The following DST variants were observed in gnomAD, a reference collection of about 807,000 sequenced individuals.
DST encodes dystonin.
DST carries 253 observed loss-of-function variants against 875.2 expected under a neutral mutation model. That is an observed-to-expected ratio of 0.29 (90% CI 0.26 to 0.32). The LOEUF is 0.32. Among genes scored for constraint, DST ranks in the 10% least tolerant of loss-of-function variants. DST has a pLI of 1.00. For missense variants in DST, 8,287 were observed against 9,111.6 expected, an observed-to-expected ratio of 0.91 and a Z score of 3.68; for synonymous variants, 3,124 against 3,197.1, an observed-to-expected ratio of 0.98 and a Z score of 0.77.
At chr6:56,680,502 T>C (rs1436834748) in intron 9 of DST, among the ~76,000 whole-genome samples, 1 of 152,210 alleles carries the variant, frequency 6.6e-6, no homozygotes, top group Non-Finnish European at 1.5e-5. Context: ...AGAAACACCA[T>C]GGAGAAGAGC....
intron 61 of DST, among the ~76,000 whole-genome samples, chr6:56,539,695 T>A (rs1403648111): frequency 1.3e-5 from 2 of 152,192 alleles, no homozygotes. Context: ...ATTACAAGGC[T>A]GCACCCTTTA....
At chr6:56,525,235 G>A (rs771635330) in intron 69 of DST, among the ~76,000 whole-genome samples, 8 of 152,042 alleles carry the variant, frequency 5.3e-5, no homozygotes, top group Non-Finnish European at 1.2e-4. Context: ...ACATTTCAGT[G>A]AAAAAAATAT....
rs560211101 is a variant in DST, at chr6:56,751,661, T to G, written c.626-16372A>C. On this transcript the variant is annotated intron_variant, in intron 4 of 103. Coordinates refer to ENST00000680361, the MANE Select transcript of DST (RefSeq NM_001374736.1). ...TAAGCCACTGGGTTCCCTCAGAGAA[T>G]AGAGAACCACCATGTGGCCCATTAC... Among the ~76,000 whole-genome samples, 37 of 152,302 alleles carry G rather than the reference T, an allele frequency of 2.4e-4. 1 individual carries two copies. The highest frequency in any genetic ancestry group is 5.2e-4 in the Admixed American group (8 of 15,292).
At chr6:56,823,381 T>C (rs1211197663) in intron 4 of DST, among the ~76,000 whole-genome samples, 1 of 152,198 alleles carries the variant, frequency 6.6e-6, no homozygotes, top group East Asian at 1.9e-4. Context: ...GTAAAGAAAT[T>C]ATGTAGCATG....
intron 2 of DST, among the ~76,000 whole-genome samples, chr6:56,941,771 G>A (rs190732251): frequency 1.9e-4 from 29 of 152,266 alleles, no homozygotes; most frequent in Non-Finnish European, 3.1e-4. Flanking sequence ...ATGAGCCACC[G>A]TGCCTGGCCA....
rs1586262665 is a variant in DST at position 56,601,675 on chromosome 6, T to TA, written c.11308_11309insT (p.Asn3770IlefsTer19). ...GGTATGTCCAAGGTCTTTTAATACATTCTGTTAAAAAAGTAGTACAAGCTA... is the reference window on the plus strand; with the variant it reads ...GGTATGTCCAAGGTCTTTTAATACATATCTGTTAAAAAAGTAGTACAAGCTA... On this transcript the variant is annotated frameshift_variant and splice_region_variant, in exon 44 of 104. Transcript: ENST00000680361. LOFTEE classifies it high-confidence loss of function. The TA allele has an allele frequency of 7.7e-6, 12 of 1,550,086 alleles. No individual in the cohort carries two copies. In the East Asian group the frequency reaches 2.8e-4, roughly 36 times the overall value.
intron 10 of DST, among the ~76,000 whole-genome samples, chr6:56,661,247 G>A (rs2099039262): frequency 6.6e-6 from 1 of 152,028 alleles, no homozygotes; most frequent in South Asian, 2.1e-4. Context: ...GAATAATCAA[G>A]TCAAAATACA....
chr6:56,515,591 C>T lies in DST; in HGVS notation c.18435G>A (p.Arg6145=). The change falls in exon 72 of 104, where the codon CGG becomes CGA. Residue 6145 remains arginine (R), a synonymous_variant. Coordinates refer to ENST00000680361, the MANE Select transcript of DST (RefSeq NM_001374736.1). The stretch of plus-strand genomic sequence containing the variant: ...AGAATTGGTTAACCAGGGACTGTGC[C>T]CGTTCCAGCTGCAGATACCTTTCTG... The part of the protein sequence containing the change: ...INSERYLQLE[R]AQSLVNQFWE... 6.2e-7 allele frequency: 1 copy of T among 1,613,802 alleles called. No individual in the cohort carries two copies. The highest frequency in any genetic ancestry group is 8.5e-7 in the Non-Finnish European group (1 of 1,179,812).
intron 50 of DST, among the ~76,000 whole-genome samples, chr6:56,576,831 G>A (rs919578344): frequency 2.0e-5 from 3 of 152,096 alleles, no homozygotes; most frequent in South Asian, 2.1e-4. Context: ...ACCAGAACCC[G>A]ACCATACTGG....
chr6:56,866,154 C>T (rs1019157658), intron 3 of DST, among the ~76,000 whole-genome samples: 1 of 151,872 alleles, frequency 6.6e-6, no homozygotes, highest in African/African-American at 2.4e-5. Flanking sequence ...CCACCACACC[C>T]GGCTAATTTT....
rs1002238925 is a variant in DST, at chr6:56,812,049, C to G, written c.625+39348G>C. 3.4e-5 allele frequency among the ~76,000 whole-genome samples: 5 copies of G among 145,824 alleles called. 1 individual carries two copies. In the South Asian group the frequency reaches 1.1e-3, roughly 31 times the overall value. On this transcript the variant is annotated intron_variant, in intron 4 of 103. Transcript: ENST00000680361. ...CCCAGAAGGTGGAGATTGCAGTGAA[C>G]TGAGATCACACCACTGCACTCCAGC...
chr6:56,704,283 G>C lies in DST; in HGVS notation c.774C>G (p.Thr258=). ...ISLLEVLSGD[T]LPRERDFLKT... is the part of the protein sequence containing the mutation. ...AAATAAGAAAGTTAAAACTTACCAA[G>C]GTATCTCCTGAAAGAACCTCTAAAA... Residue 258 remains threonine (T), a synonymous_variant, in exon 6 of 104, where the codon ACC becomes ACG. Coordinates refer to ENST00000680361, the MANE Select transcript of DST (RefSeq NM_001374736.1). 2 of 1,479,762 alleles carry C rather than the reference G, an allele frequency of 1.4e-6. No homozygotes were observed. Among genetic ancestry groups the C allele is most frequent in the Non-Finnish European group, 1.8e-6 (2 of 1,083,226 alleles). The allele number at this position is 1,479,762 out of a possible 1,614,324, so 91.7% of individuals were successfully genotyped here. A position where few individuals can be genotyped will look rare whatever the true frequency, so the allele number is the denominator to read the frequency against.
At position 56,624,603 on chromosome 6, in the gene DST, G is replaced by A. The variant is rs1252353204; in HGVS notation, c.4856C>T (p.Thr1619Ile). 2 of 1,612,802 alleles carry A rather than the reference G, an allele frequency of 1.2e-6. No homozygotes were observed. The highest frequency in any genetic ancestry group is 1.7e-6 in the Non-Finnish European group (2 of 1,179,308). ...QEFMDLRTRYTALVTLMTQYI... is the reference protein window; with the variant it reads ...QEFMDLRTRYIALVTLMTQYI... ...TTGTGTCATGAGAGTGACCAGGGCA[G>A]TATATCGAGTCCTTAGGTCCATGAA... The change falls in exon 36 of 104, where the codon ACT (threonine) becomes ATT (isoleucine). Residue 1619 changes from threonine (T) to isoleucine (I), a missense_variant. By Grantham distance (89) the Thr-to-Ile change is moderately conservative. Coordinates refer to ENST00000680361, the MANE Select transcript of DST (RefSeq NM_001374736.1).
rs149807072 is a variant in DST at position 56,725,650 on chromosome 6, A to G, written c.687+9578T>C. 8.5e-5 allele frequency among the ~76,000 whole-genome samples: 13 copies of G among 152,344 alleles called. No homozygotes were observed. In the East Asian group the frequency reaches 2.5e-3, roughly 29 times the overall value. On this transcript the variant is annotated intron_variant, in intron 5 of 103. Coordinates refer to ENST00000680361, the MANE Select transcript of DST (RefSeq NM_001374736.1). Reference sequence around the variant, plus strand: ...AGGAGGAAACCACTCTTTCTCCTCTAGTATATGGCTTCTTGAGCACTTAAC... The same window carrying G: ...AGGAGGAAACCACTCTTTCTCCTCTGGTATATGGCTTCTTGAGCACTTAAC...
intron 2 of DST, among the ~76,000 whole-genome samples, chr6:56,947,376 G>T (rs561658112): frequency 6.6e-6 from 1 of 151,062 alleles, no homozygotes; most frequent in Non-Finnish European, 1.5e-5. Flanking sequence ...TCAGCCTCCC[G>T]AGTAGCTAGG....
intron 49 of DST, among the ~76,000 whole-genome samples, chr6:56,582,702 G>A (rs1323538150): frequency 5.3e-5 from 8 of 150,978 alleles, no homozygotes; most frequent in African/African-American, 1.2e-4. Context: ...CCATTAACTC[G>A]TCATTTAGCA....
In DST at chr6:56,497,512, A is replaced by T. The variant is rs1259182802; in HGVS notation, c.20095-5T>A. ...TTCGCCATGGAACCCTTTGGCCTGA[A>T]GTAATAGGCAGTTTTAAGTTGGGGC... is the stretch of plus-strand genomic sequence containing the variant. On this transcript the variant is annotated splice_polypyrimidine_tract_variant and splice_region_variant and intron_variant, in intron 81 of 103. Coordinates refer to ENST00000680361, the MANE Select transcript of DST (RefSeq NM_001374736.1). The T allele has an allele frequency of 2.5e-6, 4 of 1,612,034 alleles. No homozygotes were observed. The highest frequency in any genetic ancestry group is 3.4e-6 in the Non-Finnish European group (4 of 1,179,134).
At chr6:56,533,429 A>T (rs1489773567) in intron 63 of DST, among the ~76,000 whole-genome samples, 3 of 152,222 alleles carry the variant, frequency 2.0e-5, no homozygotes, top group Non-Finnish European at 2.9e-5. Flanking sequence ...GTTACCCAGA[A>T]GTAAAAAGCT....
intron 4 of DST, among the ~76,000 whole-genome samples, chr6:56,759,780 G>A (rs34455199): frequency 0.12 from 17,715 of 152,064 alleles, 1,408 homozygotes; most frequent in Middle Eastern, 0.2. Context: ...GAATCTGACT[G>A]GATGTGTCCT....
Sources: allele counts gnomAD v4.1 joint callset (sites outside exome capture counted in the v4.1 genomes callset), GRCh38; gene constraint gnomAD v4.1.1; transcripts MANE v1.5; gene names NCBI Gene and HGNC (gene_info 2026-07-23, HGNC 2026-07-21).